NXNL2: variants seen among roughly 807,000 people sequenced by gnomAD.
The protein encoded by NXNL2 is nucleoredoxin-like protein 2.
Under a neutral mutation model 11.1 loss-of-function variants are expected in NXNL2, and 7 were observed. The ratio of observed to expected loss-of-function variants is 0.63; its 90% CI spans 0.36 to 1.18. The LOEUF (loss-of-function observed/expected upper bound fraction) is 1.18, where lower values mean the gene tolerates loss of function less well. NXNL2 is among the 50% of genes most tolerant of loss of function. The pLI, the probability that NXNL2 is intolerant of heterozygous loss-of-function variation, is 0.02. For synonymous variants in NXNL2, 109 were observed against 101.8 expected (o/e 1.07, Z -0.42); for missense variants, 233 against 217.7 (o/e 1.07, Z -0.44).
At chr9:88,567,909 T>G (rs1361891638) in intron 1 of NXNL2, among the ~76,000 whole-genome samples, 1 of 152,164 alleles carries the variant, frequency 6.6e-6, no homozygotes, top group Non-Finnish European at 1.5e-5. Context: ...GAGGTACTGA[T>G]GCTCAGAATT....
intron 2 of NXNL2, among the ~76,000 whole-genome samples, chr9:88,572,763 G>C (rs1407070190): frequency 1.3e-5 from 2 of 152,198 alleles, no homozygotes; most frequent in African/African-American, 2.4e-5. Flanking sequence ...AGGAGAAGGA[G>C]GTCCGGCACT....
At chr9:88,579,866 C>T (rs546099002), downstream of NXNL2, among the ~76,000 whole-genome samples, 6 of 152,202 alleles carry the variant, frequency 3.9e-5, no homozygotes, top group East Asian at 1.9e-4. Flanking sequence ...CGCGGTGGCT[C>T]ACGCCTGTAA....
chr9:88,544,491 G>A lies in NXNL2; in HGVS notation c.415G>A (p.Ala139Thr). 1.3e-6 allele frequency: 2 copies of A among 1,551,394 alleles called. No individual in the cohort carries two copies. The highest frequency in any genetic ancestry group is 1.7e-6 in the Non-Finnish European group (2 of 1,146,824). The change falls in exon 2 of 2, where the codon GCC (alanine) becomes ACC (threonine). Residue 139 changes from alanine to threonine, a missense_variant. By Grantham distance (58) the Ala-to-Thr change is moderately conservative (BLOSUM62 0). Transcript: ENST00000375854. ...GRKQIRERGL[A>T]CFQDWVEAAD... ...GAAGCAGATCCGGGAACGGGGGTTG[G>A]CCTGCTTCCAGGACTGGGTGGAGGC...
At chr9:88,542,210 G>A (rs1238661853) in intron 1 of NXNL2, among the ~76,000 whole-genome samples, 4 of 151,624 alleles carry the variant, frequency 2.6e-5, no homozygotes, top group South Asian at 4.2e-4. Flanking sequence ...TCCAGCCTGG[G>A]CGACAGAGCA....
downstream of NXNL2, among the ~76,000 whole-genome samples, chr9:88,576,194 C>G (rs1281693032): frequency 1.3e-5 from 2 of 152,188 alleles, no homozygotes; most frequent in Non-Finnish European, 2.9e-5. Flanking sequence ...GACTCCGTCT[C>G]AAAAAGAAAA....
At chr9:88,546,175 G>A (rs565955988), downstream of NXNL2, among the ~76,000 whole-genome samples, 4 of 152,014 alleles carry the variant, frequency 2.6e-5, no homozygotes, top group Admixed American at 6.5e-5. Context: ...GTGTGTGTGT[G>A]TGAGAACCAC....
chr9:88,535,856 C>G (rs995370600), intron 1 of NXNL2, 120 bp downstream of exon 1: 1 of 763,426 alleles, frequency 1.3e-6, no homozygotes, highest in Non-Finnish European at 2.0e-6. Context: ...CTCCCCGTCT[C>G]TCGGTTCACG....
intron 1 of NXNL2, among the ~76,000 whole-genome samples, chr9:88,563,465 C>T (rs568919413): frequency 8.5e-5 from 13 of 152,200 alleles, no homozygotes; most frequent in Non-Finnish European, 1.5e-4. Context: ...GCATCTATCT[C>T]GAACCGCCCA....
chr9:88,576,667 T>G (rs1830352019), downstream of NXNL2, among the ~76,000 whole-genome samples: 1 of 152,016 alleles, frequency 6.6e-6, no homozygotes, highest in African/African-American at 2.4e-5. Context: ...AAGGACAACT[T>G]GTGTCTTCTT....
intron 1 of NXNL2, among the ~76,000 whole-genome samples, chr9:88,564,456 G>A (rs1183744834): frequency 2.0e-5 from 3 of 151,030 alleles, no homozygotes; most frequent in Non-Finnish European, 2.9e-5. Context: ...CACTCTTGTC[G>A]CCCAGGCTGG....
intron 1 of NXNL2, among the ~76,000 whole-genome samples, chr9:88,536,559 G>A (rs1207318136): frequency 2.0e-5 from 3 of 151,724 alleles, no homozygotes; most frequent in African/African-American, 7.3e-5. Context: ...CCCCCTTCTA[G>A]GTACCAATGT....
chr9:88,557,874 C>G (rs1830038662), intron 1 of NXNL2, among the ~76,000 whole-genome samples: 1 of 152,220 alleles, frequency 6.6e-6, no homozygotes, highest in Non-Finnish European at 1.5e-5. Context: ...CCTTTGCTCT[C>G]TCTTTCCAGG....
In NXNL2 at chr9:88,552,051, A is replaced by G. The variant is rs185937923; in HGVS notation, c.302+16315A>G. ...GTAAACACATCACACTCTTCCTTAT[A>G]GGTGCCTGTATTACTACTTCAAGGG... On this transcript the variant is annotated intron_variant, in intron 1 of 2. Transcript: ENST00000375855. Among the ~76,000 whole-genome samples the G allele has an allele frequency of 2.6e-5, 4 of 152,246 alleles. No homozygotes were observed. The East Asian group carries it at 7.7e-4, about 29-fold the overall frequency.
At chr9:88,582,260 C>T (rs894098105) in intron 1 of NXNL2, among the ~76,000 whole-genome samples, 19 of 152,074 alleles carry the variant, frequency 1.2e-4, no homozygotes, top group East Asian at 1.9e-4. Flanking sequence ...GGGCGGATCA[C>T]GAGGTCAGAC....
At chr9:88,544,325 C>G (rs1321051784) in intron 1 of NXNL2, 54 bp from the exon 2 acceptor site, 6 of 1,493,626 alleles carry the variant, frequency 4.0e-6, no homozygotes, top group Non-Finnish European at 5.5e-6. Flanking sequence ...GGGCGTGTCC[C>G]TTCAGATGTG....
chr9:88,554,830 A>T (rs552025809), intron 1 of NXNL2, among the ~76,000 whole-genome samples: 2 of 152,190 alleles, frequency 1.3e-5, no homozygotes, highest in African/African-American at 2.4e-5. Context: ...TCAGGGCCCT[A>T]TAAATTTTTA....
intron 1 of NXNL2, among the ~76,000 whole-genome samples, chr9:88,566,096 C>T (rs1239851864): frequency 6.6e-6 from 1 of 152,146 alleles, no homozygotes; most frequent in Non-Finnish European, 1.5e-5. Context: ...AGCCTCTTAT[C>T]AGATATACAG....
At chr9:88,576,525 G>A (rs1394010635), downstream of NXNL2, among the ~76,000 whole-genome samples, 1 of 152,204 alleles carries the variant, frequency 6.6e-6, no homozygotes, top group African/African-American at 2.4e-5. Flanking sequence ...CTGAAGGAGG[G>A]AGAGAGACTT....
chr9:88,536,375 TTACTA>T (rs1643798271), intron 1 of NXNL2, among the ~76,000 whole-genome samples: 2 of 152,140 alleles, frequency 1.3e-5, no homozygotes, highest in African/African-American at 4.8e-5. Context: ...ATAAAACTCA[TTACTA>T]TAAACTTTAT....
Sources: gnomAD v4.1 joint callset for allele counts (sites outside exome capture counted in the v4.1 genomes callset) on GRCh38, gnomAD v4.1.1 for gene constraint, MANE v1.5 for transcripts, NCBI Gene and HGNC (gene_info 2026-07-23, HGNC 2026-07-21) for gene names.